TANGO6: variants seen among roughly 807,000 people sequenced by gnomAD.
TANGO6 encodes the protein transport and Golgi organization protein 6 homolog.
Under a neutral mutation model 114.2 loss-of-function variants are expected in TANGO6, and 90 were observed. The ratio of observed to expected loss-of-function variants is 0.79; its 90% confidence interval spans 0.66 to 0.94. The LOEUF is 0.94. Ranked by LOEUF, TANGO6 falls within the 40% of genes least tolerant of loss-of-function variation. TANGO6 has a pLI of 0.00. For missense variants in TANGO6, 1,274 were observed against 1,315.3 expected (o/e 0.97, Z 0.49); for synonymous variants, 477 against 509.8 (o/e 0.94, Z 0.87).
At chr16:68,980,461 G>C (rs1285456427) in intron 15 of TANGO6, among the ~76,000 whole-genome samples, 1 of 117,078 alleles carries the variant, frequency 8.5e-6, no homozygotes, top group Non-Finnish European at 1.7e-5. Flanking sequence ...TTGAGATAGG[G>C]TCTTGCTATG....
intron 4 of TANGO6, chr16:68,867,962 C>T (rs1163139150): frequency 7.1e-6 from 1 of 141,462 alleles, no homozygotes; most frequent in Non-Finnish European, 1.5e-5. Context: ...GGCCACATAG[C>T]AAGACTCTGT....
chr16:68,964,198 T>C (rs927085319), intron 14 of TANGO6, among the ~76,000 whole-genome samples: 3 of 152,096 alleles, frequency 2.0e-5, no homozygotes, highest in Non-Finnish European at 2.9e-5. Context: ...GTGATGAATA[T>C]GCTAGTTACC....
chr16:69,045,054 G>A (rs1959829973), intron 17 of TANGO6, among the ~76,000 whole-genome samples: 1 of 151,590 alleles, frequency 6.6e-6, no homozygotes, highest in Non-Finnish European at 1.5e-5. Context: ...CAGTTCGGGA[G>A]GCCAAGACAG....
At chr16:68,956,050 G>A (rs1567547880) in intron 14 of TANGO6, among the ~76,000 whole-genome samples, 1 of 151,936 alleles carries the variant, frequency 6.6e-6, no homozygotes, top group Admixed American at 6.6e-5. Context: ...ACTCGGGAGG[G>A]TGAGGCAGGA....
chr16:69,048,693 A>G (rs971444025), intron 17 of TANGO6, among the ~76,000 whole-genome samples: 1 of 152,106 alleles, frequency 6.6e-6, no homozygotes, highest in Admixed American at 6.6e-5. Context: ...AATACTGGAG[A>G]TTACTCTCCT....
chr16:68,864,159 A>T (rs1183100377), intron 3 of TANGO6, among the ~76,000 whole-genome samples: 1 of 148,660 alleles, frequency 6.7e-6, no homozygotes, highest in East Asian at 2.0e-4. Context: ...GGGCAACAAG[A>T]GCAAAACTCC....
At chr16:68,931,115 A>T (rs2152197766) in intron 14 of TANGO6, among the ~76,000 whole-genome samples, 1 of 152,338 alleles carries the variant, frequency 6.6e-6, no homozygotes, top group South Asian at 2.1e-4. Context: ...TGTAGAGAAT[A>T]AGGCACCCTT....
At chr16:68,975,964 TC>T (rs1356148549) in intron 15 of TANGO6, among the ~76,000 whole-genome samples, 1 of 152,116 alleles carries the variant, frequency 6.6e-6, no homozygotes, top group Non-Finnish European at 1.5e-5. Flanking sequence ...CAACAGTGTC[TC>T]CCTCTGTTGC....
chr16:69,028,768 G>T (rs1959546216), intron 16 of TANGO6, among the ~76,000 whole-genome samples: 1 of 147,996 alleles, frequency 6.8e-6, no homozygotes, highest in Non-Finnish European at 1.5e-5. Context: ...GTCCAGGCTG[G>T]TCTCGAACTC....
Position 68,902,494 on chromosome 16 carries a change from G to T in TANGO6, c.1657G>T (p.Glu553Ter), listed in dbSNP as rs747170153. The change falls in exon 9 of 18, where the codon GAG becomes TAG. Residue 553 changes from glutamate (E) to a stop codon, truncating the protein, a stop_gained. Coordinates refer to ENST00000261778, the MANE Select transcript of TANGO6 (RefSeq NM_024562.2). LOFTEE classifies it high-confidence loss of function. Reference sequence around the variant, plus strand: ...AGGTGGCATTATGATTACCATCAAAGAGGCCATTAGGTGAGTCCACCCATC... The same window carrying T: ...AGGTGGCATTATGATTACCATCAAATAGGCCATTAGGTGAGTCCACCCATC... ...TQGGIMITIK[E>*]AISDEDEDEA... 6.2e-7 allele frequency: 1 copy of T among 1,611,838 alleles called. No individual in the cohort carries two copies. The highest frequency in any genetic ancestry group is 2.2e-5 in the East Asian group (1 of 44,722).
chr16:68,940,125 T>C (rs1334750521), intron 14 of TANGO6, among the ~76,000 whole-genome samples: 2 of 151,678 alleles, frequency 1.3e-5, no homozygotes, highest in African/African-American at 2.4e-5. Flanking sequence ...CTTTCTTTTC[T>C]TTCTTTCCTT....
intron 1 of TANGO6, among the ~76,000 whole-genome samples, chr16:68,857,307 A>G (rs1281902286): frequency 2.6e-5 from 4 of 151,808 alleles, no homozygotes; most frequent in Non-Finnish European, 5.9e-5. Flanking sequence ...AGGGTCCTCC[A>G]TGTCTTTTGT....
intron 16 of TANGO6, chr16:69,035,552 GT>G (rs993683729): frequency 1.3e-5 from 2 of 152,210 alleles, no homozygotes; most frequent in African/African-American, 4.8e-5. Context: ...TATGCTTGGT[GT>G]GTGCCAGCTG....
intron 15 of TANGO6, among the ~76,000 whole-genome samples, chr16:68,988,563 C>G (rs1164067503): frequency 1.3e-5 from 2 of 150,388 alleles, no homozygotes; most frequent in African/African-American, 4.9e-5. Context: ...TTTTGTTTAC[C>G]CATTTTCTCC....
chr16:69,069,007 G>A (rs1000363867), intron 17 of TANGO6, among the ~76,000 whole-genome samples: 20 of 152,128 alleles, frequency 1.3e-4, no homozygotes, highest in Admixed American at 7.2e-4. Context: ...ATGAGCCACC[G>A]TACCCAGCCA....
intron 1 of TANGO6, among the ~76,000 whole-genome samples, chr16:68,847,093 T>C (rs1049885355): frequency 3.9e-5 from 6 of 152,020 alleles, no homozygotes; most frequent in Non-Finnish European, 8.8e-5. Context: ...TTTCTCTACG[T>C]TGGTCAGGCT....
At chr16:69,075,877 G>A (rs1960369208) in intron 17 of TANGO6, among the ~76,000 whole-genome samples, 2 of 147,224 alleles carry the variant, frequency 1.4e-5, no homozygotes, top group South Asian at 2.1e-4. Flanking sequence ...AGCGATTCCC[G>A]TTTCAGCCTC....
In TANGO6 at chr16:69,025,351, G is replaced by A. The variant is rs184119171; in HGVS notation, c.2994+2372G>A. Among the ~76,000 whole-genome samples the A allele has an allele frequency of 2.0e-5, 3 of 152,242 alleles. No homozygotes were observed. In the East Asian group the frequency reaches 5.8e-4, roughly 29 times the overall value. Reference sequence around the variant, plus strand: ...GCTGGAGAGAGGACATGAAGGGCAGGGTGTCTTCCTCAAACTCAGGTTGTC... The same window carrying A: ...GCTGGAGAGAGGACATGAAGGGCAGAGTGTCTTCCTCAAACTCAGGTTGTC... On this transcript the variant is annotated intron_variant, in intron 16 of 17. Transcript: ENST00000261778.
chr16:69,064,980 G>A (rs1408080628), intron 17 of TANGO6, among the ~76,000 whole-genome samples: 1 of 152,174 alleles, frequency 6.6e-6, no homozygotes, highest in African/African-American at 2.4e-5. Flanking sequence ...TGATCACTGA[G>A]TACAGTTTGA....
Sources: allele counts gnomAD v4.1 joint callset (sites outside exome capture counted in the v4.1 genomes callset), GRCh38; gene constraint gnomAD v4.1.1; transcripts MANE v1.5; gene names NCBI Gene and HGNC (gene_info 2026-07-23, HGNC 2026-07-21).